Variants in ABCB4 observed in about 807,000 individuals in gnomAD.
The protein encoded by ABCB4 is phosphatidylcholine translocator ABCB4.
A neutral mutation model predicts 145.7 loss-of-function variants in ABCB4; 76 were observed. That is an observed-to-expected ratio of 0.52 (90% CI 0.43 to 0.63). ABCB4 has a LOEUF of 0.63. ABCB4 is among the 30% of genes least tolerant of loss of function. The probability of loss-of-function intolerance (pLI) is 0.00; values close to 1 mark genes in which losing one functional copy is unlikely to be tolerated. For missense variants in ABCB4, 1,234 were observed against 1,553.1 expected (o/e 0.79, Z 3.45); for synonymous variants, 517 against 566.8 (o/e 0.91, Z 1.25).
chr7:87,419,868 C>T (rs1370118715), intron 19 of ABCB4, 130 bp downstream of exon 19: 11 of 966,968 alleles, frequency 1.1e-5, no homozygotes, highest in Non-Finnish European at 1.8e-5. Context: ...ATTTGCAGGA[C>T]TCTGCCCCAT....
chr7:87,374,658 C>A, the ABCB4 span, among the ~76,000 whole-genome samples: 1 of 151,978 alleles, frequency 6.6e-6, no homozygotes, highest in Non-Finnish European at 1.5e-5. Flanking sequence ...TTATTCTGTT[C>A]CTCAGGACAC....
the ABCB4 span, chr7:87,369,517 T>A: frequency 1.4e-6 from 2 of 1,421,622 alleles, no homozygotes; most frequent in Admixed American, 1.8e-5. Flanking sequence ...TTTCATTAGG[T>A]CTTATGGTGT....
At chr7:87,418,136 G>C (rs45604136) in intron 20 of ABCB4, among the ~76,000 whole-genome samples, 167 of 152,374 alleles carry the variant, frequency 1.1e-3, no homozygotes, top group African/African-American at 3.7e-3. Context: ...CCTGGAGACA[G>C]TGGTTCAGGG....
chr7:87,404,491 C>T (rs1472405897), intron 26 of ABCB4, among the ~76,000 whole-genome samples: 3 of 152,098 alleles, frequency 2.0e-5, no homozygotes, highest in Non-Finnish European at 4.4e-5. Flanking sequence ...AAAGCATAAT[C>T]CATAAAAGGA....
chr7:87,395,855 T>C, the ABCB4 span, among the ~76,000 whole-genome samples: 1 of 152,090 alleles, frequency 6.6e-6, no homozygotes, highest in Non-Finnish European at 1.5e-5. Flanking sequence ...TTAAGGCTCA[T>C]TACATGCAGG....
At chr7:87,453,436 C>T (rs1483795823) in intron 5 of ABCB4, among the ~76,000 whole-genome samples, 2 of 152,150 alleles carry the variant, frequency 1.3e-5, no homozygotes, top group South Asian at 2.1e-4. Flanking sequence ...TGCTCACCTC[C>T]GCCTCCCAAA....
At chr7:87,379,318 T>C in the ABCB4 span, among the ~76,000 whole-genome samples, 1 of 152,228 alleles carries the variant, frequency 6.6e-6, no homozygotes, top group Admixed American at 6.5e-5. Context: ...TTGTTATATA[T>C]GTAACTTGCA....
At chr7:87,385,632 A>G in the ABCB4 span, among the ~76,000 whole-genome samples, 1 of 152,160 alleles carries the variant, frequency 6.6e-6, no homozygotes, top group Non-Finnish European at 1.5e-5. Flanking sequence ...AGACAGGACA[A>G]TTTGACTTTT....
chr7:87,460,179 C>G (rs1204735219), intron 4 of ABCB4, among the ~76,000 whole-genome samples: 1 of 152,176 alleles, frequency 6.6e-6, no homozygotes, highest in Non-Finnish European at 1.5e-5. Flanking sequence ...ATAAATGCAT[C>G]TCTGATTCAC....
At chr7:87,388,394 A>T in the ABCB4 span, among the ~76,000 whole-genome samples, 2 of 152,230 alleles carry the variant, frequency 1.3e-5, no homozygotes, top group Admixed American at 1.3e-4. Flanking sequence ...GGCTACAGTA[A>T]CCAAAACAGC....
In ABCB4 at chr7:87,423,909, T is replaced by C. The variant is rs1205770192; in HGVS notation, c.2208A>G (p.Ile736Met). The change falls in exon 17 of 28, where the codon ATA (isoleucine) becomes ATG (methionine). Residue 736 changes from isoleucine (I) to methionine (M), a missense_variant. Physicochemically the swap from Ile to Met is conservative, Grantham distance 10. Coordinates refer to ENST00000649586, the MANE Select transcript of ABCB4 (RefSeq NM_000443.4). ...TATGTGGTGTTTGCAAACTTACCGC[T>C]ATGATCTCTGAGAATATGACTGAAA... Reference protein sequence around the residue: ...PAFSVIFSEIIAIFGPGDDAV... With the variant: ...PAFSVIFSEIMAIFGPGDDAV... 1 of 1,613,960 alleles carries C rather than the reference T, an allele frequency of 6.2e-7. No homozygotes were observed. Among genetic ancestry groups the C allele is most frequent in the Non-Finnish European group, 8.5e-7 (1 of 1,179,946 alleles).
chr7:87,443,734 G>A lies in ABCB4; in HGVS notation c.1159C>T (p.Pro387Ser), dbSNP rs1023312697. ...TCCAAATTCCCTTTGATGCTGTCTG[G>A]TTTGTGTCCTCTCTCTGAAAAACTG... ...IDSFSERGHK[P>S]DSIKGNLEFN... The change falls in exon 11 of 28, where the codon CCA (proline) becomes TCA (serine). Residue 387 changes from proline (P) to serine (S), a missense_variant. Physicochemically the swap from Pro to Ser is moderately conservative, Grantham distance 74. This residue lies in a region of ABCB4 where 467 missense variants were observed against 632.8 expected (regional missense o/e 0.74). Coordinates refer to ENST00000649586, the MANE Select transcript of ABCB4 (RefSeq NM_000443.4). 1 of 1,613,914 alleles carries A rather than the reference G, an allele frequency of 6.2e-7. No individual in the cohort carries two copies. The highest frequency in any genetic ancestry group is 1.3e-5 in the African/African-American group (1 of 75,018).
At chr7:87,406,545 A>C in intron 25 of ABCB4, 51 bp from the exon 26 acceptor site, 1 of 1,601,232 alleles carries the variant, frequency 6.2e-7, no homozygotes, top group Non-Finnish European at 8.5e-7. Context: ...AAGAAAAAAA[A>C]ACTAAAAAGT....
downstream of ABCB4, chr7:87,398,864 G>A (rs1054240875): frequency 3.8e-6 from 2 of 524,112 alleles, no homozygotes; most frequent in Non-Finnish European, 3.4e-6. Flanking sequence ...CAGCAGCAAT[G>A]CAAATTATGA....
intron 18 of ABCB4, 131 bp downstream of exon 18, chr7:87,421,990 C>T (rs1809471633): frequency 1.4e-6 from 1 of 703,728 alleles, no homozygotes; most frequent in African/African-American, 1.8e-5. Flanking sequence ...AGTCTACCCT[C>T]CAGCAGAGCC....
the ABCB4 span, among the ~76,000 whole-genome samples, chr7:87,383,557 A>G: frequency 1.4e-5 from 2 of 148,058 alleles, no homozygotes; most frequent in Non-Finnish European, 3.0e-5. Flanking sequence ...GTGCAGTGGC[A>G]TGGTCTTGGT....
the ABCB4 span, chr7:87,375,925 C>T: frequency 5.9e-4 from 945 of 1,611,510 alleles, 7 homozygotes; most frequent in South Asian, 6.9e-3. Context: ...GATAGCAGTC[C>T]ACATGTAACA....
At chr7:87,424,399 T>C (rs748128129) in intron 16 of ABCB4, among the ~76,000 whole-genome samples, 9 of 152,204 alleles carry the variant, frequency 5.9e-5, no homozygotes, top group Admixed American at 2.0e-4. Context: ...GTGACAGTCA[T>C]GGCTGGACCA....
rs886044649 is a variant in ABCB4, at chr7:87,431,463, C to T, written c.1834G>A (p.Gly612Arg). ...GFEDGVIVEQ[G>R]SHSELMKKEG... ...TTCTTCATCAGTTCGCTGTGGCTTCCTTGCTCCACAATTACTCCATCCTCA... is the reference window on the plus strand; with the variant it reads ...TTCTTCATCAGTTCGCTGTGGCTTCTTTGCTCCACAATTACTCCATCCTCA... Residue 612 changes from glycine (G) to arginine (R), a missense_variant, in exon 15 of 28, where the codon GGA (glycine) becomes AGA (arginine). By Grantham distance (125) the Gly-to-Arg change is moderately radical. This residue lies in a region of ABCB4 where 321 missense variants were observed against 332.6 expected (regional missense o/e 0.97). Transcript: ENST00000649586. 1 of 1,614,132 alleles carries T rather than the reference C, an allele frequency of 6.2e-7. No homozygotes were observed. The highest frequency in any genetic ancestry group is 8.5e-7 in the Non-Finnish European group (1 of 1,179,994).
Sources: gnomAD v4.1 joint callset for allele counts (sites outside exome capture counted in the v4.1 genomes callset) on GRCh38, gnomAD v4.1.1 for gene constraint, gnomAD v4.1.1 regional missense constraint, MANE v1.5 for transcripts, NCBI Gene and HGNC (gene_info 2026-07-23, HGNC 2026-07-21) for gene names.